Variants in CNTNAP3 observed in about 807,000 individuals in gnomAD.
The protein encoded by CNTNAP3 is contactin associated protein family member 3.
A neutral mutation model predicts 92.1 loss-of-function variants in CNTNAP3; 36 were observed. The ratio of observed to expected loss-of-function variants is 0.39; its 90% confidence interval spans 0.30 to 0.52. The LOEUF is 0.52. Ranked by LOEUF, CNTNAP3 falls within the 20% of genes least tolerant of loss-of-function variation. The probability of loss-of-function intolerance (pLI) is 0.76; values close to 1 mark genes in which losing one functional copy is unlikely to be tolerated. For synonymous variants in CNTNAP3, 232 were observed against 422.3 expected, an observed-to-expected ratio of 0.55 and a Z score of 5.53; for missense variants, 534 against 1,069.6, an observed-to-expected ratio of 0.50 and a Z score of 6.98.
chr9:39,092,948 T>C (rs896157803), intron 18 of CNTNAP3, among the ~76,000 whole-genome samples: 15 of 144,958 alleles, frequency 1.0e-4, no homozygotes, highest in African/African-American at 3.5e-4. Flanking sequence ...GTTAACTTTT[T>C]ATCATTATAA....
chr9:39,134,018 C>T (rs1821366210), intron 12 of CNTNAP3, among the ~76,000 whole-genome samples: 1 of 152,126 alleles, frequency 6.6e-6, no homozygotes, highest in Non-Finnish European at 1.5e-5. Flanking sequence ...CGAAACAAAA[C>T]AATGTGATAC....
rs1462732829 is a variant in CNTNAP3, at chr9:39,070,238, A to AT, written c.*3651dup. 1.7e-5 allele frequency among the ~76,000 whole-genome samples: 2 copies of AT among 116,384 alleles called. No homozygotes were observed. Among genetic ancestry groups the AT allele is most frequent in the African/African-American group, 7.2e-5 (2 of 27,912 alleles). The allele number at this position is 116,384 out of a possible 152,430, so 76.4% of individuals were successfully genotyped here. A position where few individuals can be genotyped will look rare whatever the true frequency, so the allele number is the denominator to read the frequency against. On this transcript the variant is annotated 3_prime_UTR_variant, in exon 24 of 24. Transcript: ENST00000297668. Reference sequence around the variant, plus strand: ...TCTTTTATTTGTTGCAATACTGTTTATAACAGCTAAGATTTGGAAACACCC... The same window carrying AT: ...TCTTTTATTTGTTGCAATACTGTTTATTAACAGCTAAGATTTGGAAACACCC...
intron 14 of CNTNAP3, among the ~76,000 whole-genome samples, chr9:39,112,571 G>A (rs1820733250): frequency 6.6e-6 from 1 of 152,052 alleles, no homozygotes; most frequent in Admixed American, 6.6e-5. Flanking sequence ...TCACCATGTT[G>A]GTCAGGCTGG....
chr9:39,071,217 CAGTAATAGAGACAG>C lies in CNTNAP3; in HGVS notation c.*2659_*2672del, dbSNP rs562096720. Among the ~76,000 whole-genome samples, 8,480 of 144,814 alleles carry C rather than the reference CAGTAATAGAGACAG, an allele frequency of 0.059. 45 individuals are homozygous for C. The highest frequency in any genetic ancestry group is 0.19 in the African/African-American group (6,689 of 35,784). The stretch of plus-strand genomic sequence containing the variant: ...ATGTTAAATTTACTGTGACTTTTCA[CAGTAATAGAGACAG>C]AGTAATAGAGACACGGGGTAGAATA... On this transcript the variant is annotated 3_prime_UTR_variant, in exon 24 of 24. Transcript: ENST00000297668.
chr9:39,129,109 T>C (rs554852184), intron 13 of CNTNAP3, among the ~76,000 whole-genome samples: 1 of 152,290 alleles, frequency 6.6e-6, no homozygotes, highest in African/African-American at 2.4e-5. Context: ...CCCATAAAAA[T>C]TCTAGCAAGA....
At chr9:39,091,165 C>CTTAT (rs1587702303) in intron 18 of CNTNAP3, among the ~76,000 whole-genome samples, 1 of 107,594 alleles carries the variant, frequency 9.3e-6, no homozygotes, top group African/African-American at 3.3e-5. Context: ...GGATGTTTTT[C>CTTAT]TTCTTCTTTT....
chr9:39,068,705 C>G lies in CNTNAP3; in HGVS notation c.*5185G>C, dbSNP rs1366278392. ...CTCTAGCCACCTTCGTGTACCTGAA[C>G]TCTCAGCAACAGCTACTCCATTCAG... On this transcript the variant is annotated 3_prime_UTR_variant, in exon 24 of 24. Coordinates refer to ENST00000297668, the MANE Select transcript of CNTNAP3 (RefSeq NM_033655.5). Among the ~76,000 whole-genome samples the G allele has an allele frequency of 6.6e-6, 1 of 152,310 alleles. No homozygotes were observed.
intron 13 of CNTNAP3, among the ~76,000 whole-genome samples, chr9:39,128,830 T>C (rs997324586): frequency 6.6e-6 from 1 of 150,814 alleles, no homozygotes; most frequent in African/African-American, 2.5e-5. Flanking sequence ...ATAAGATTAG[T>C]ATGAAACAAT....
chr9:39,135,476 C>CA (rs1197926611), intron 12 of CNTNAP3, among the ~76,000 whole-genome samples: 5 of 152,016 alleles, frequency 3.3e-5, no homozygotes, highest in Admixed American at 1.3e-4. Context: ...CTCACTAGCC[C>CA]AGAAGGAGGG....
intron 11 of CNTNAP3, among the ~76,000 whole-genome samples, chr9:39,143,424 A>G (rs891443596): frequency 6.6e-6 from 1 of 152,080 alleles, no homozygotes; most frequent in Non-Finnish European, 1.5e-5. Flanking sequence ...TGGACCACCA[A>G]TCAGGCATCC....
At position 39,068,827 on chromosome 9, in the gene CNTNAP3, A is replaced by T. The variant is rs1207707354; in HGVS notation, c.*5063T>A. Among the ~76,000 whole-genome samples, 2 of 152,428 alleles carry T rather than the reference A, an allele frequency of 1.3e-5. No homozygotes were observed. The highest frequency in any genetic ancestry group is 2.1e-4 in the South Asian group (1 of 4,834). On this transcript the variant is annotated 3_prime_UTR_variant, in exon 24 of 24. Coordinates refer to ENST00000297668, the MANE Select transcript of CNTNAP3 (RefSeq NM_033655.5). ...CTGGGATACTCACAGCACACATCTT[A>T]TGTTTCCTGTCTTTCAGGGATTACA...
rs1316812870 is a variant in CNTNAP3, at chr9:39,065,880, T to C, written c.*8010A>G. Among the ~76,000 whole-genome samples, 1 of 152,180 alleles carries C rather than the reference T, an allele frequency of 6.6e-6. No individual in the cohort carries two copies. The highest frequency in any genetic ancestry group is 6.5e-5 in the Admixed American group (1 of 15,284). On this transcript the variant is annotated 3_prime_UTR_variant, in exon 24 of 24. Transcript: ENST00000297668. ...AAAAATTTACAGCATTCAAATAAAG[T>C]GTTGCAAATATTTTCTCCCAGTCTG...
intron 10 of CNTNAP3, among the ~76,000 whole-genome samples, chr9:39,146,265 C>T (rs10814797): frequency 0.19 from 29,208 of 150,850 alleles, 2,772 homozygotes; most frequent in East Asian, 0.3. Flanking sequence ...GAGGAGGTGA[C>T]GGAGGCCTCC....
chr9:39,084,771 G>C (rs548171328), intron 21 of CNTNAP3, among the ~76,000 whole-genome samples: 1 of 152,110 alleles, frequency 6.6e-6, no homozygotes, highest in South Asian at 2.1e-4. Context: ...AAATACAGTT[G>C]TTCAAAGTAT....
chr9:39,103,590 A>T (rs1329084604), intron 16 of CNTNAP3, 154 bp downstream of exon 16: 30 of 334,074 alleles, frequency 9.0e-5, no homozygotes, highest in African/African-American at 1.8e-4. Context: ...TCCCTCTCTC[A>T]AAAAAAAAAA....
At position 39,161,788 on chromosome 9, in the gene CNTNAP3, G is replaced by GT. The variant is rs527561018; in HGVS notation, c.1477+4144dup. On this transcript the variant is annotated intron_variant, in intron 9 of 23. Coordinates refer to ENST00000297668, the MANE Select transcript of CNTNAP3 (RefSeq NM_033655.5). ...TCTTAAAGCCTGGGAGGTTGAGGCT[G>GT]TATCGTGTCATTGCACTCCAGCCTG... Among the ~76,000 whole-genome samples, 4 of 119,836 alleles carry GT rather than the reference G, an allele frequency of 3.3e-5. No homozygotes were observed. In the South Asian group the frequency reaches 1.1e-3, roughly 33 times the overall value. 78.6% of individuals were successfully genotyped at this position (119,836 alleles called of 152,430 possible).
At chr9:39,118,383 C>G in intron 13 of CNTNAP3, 124 bp from the exon 14 acceptor site, 1 of 1,363,452 alleles carries the variant, frequency 7.3e-7, no homozygotes, top group Non-Finnish European at 1.0e-6. Context: ...GAAAATGAAA[C>G]TATACTTAAA....
At chr9:39,117,957 A>G in intron 14 of CNTNAP3, 146 bp downstream of exon 14, 1 of 1,455,612 alleles carries the variant, frequency 6.9e-7, no homozygotes, top group Admixed American at 2.1e-5. Context: ...AGATTAACTG[A>G]TCATATTTCA....
At chr9:39,217,292 G>A (rs10974190) in intron 3 of CNTNAP3, among the ~76,000 whole-genome samples, 1 of 4,978 alleles carries the variant, frequency 2.0e-4, no homozygotes, top group African/African-American at 2.6e-4. Flanking sequence ...ACCCAGAGGG[G>A]AAAAATGCTA....
Sources: gnomAD v4.1 joint callset for allele counts (sites outside exome capture counted in the v4.1 genomes callset) on GRCh38, gnomAD v4.1.1 for gene constraint, MANE v1.5 for transcripts, NCBI Gene and HGNC (gene_info 2026-07-23, HGNC 2026-07-21) for gene names.